The following NECAB1 variants were observed in gnomAD, a reference collection of about 807,000 sequenced individuals.
NECAB1 encodes N-terminal EF-hand calcium-binding protein 1.
NECAB1 carries 29 observed loss-of-function variants against 57.5 expected under a neutral mutation model. That is an observed-to-expected ratio of 0.50 (90% CI 0.38 to 0.69). The LOEUF (loss-of-function observed/expected upper bound fraction) is 0.69, where lower values mean the gene tolerates loss of function less well. Ranked by LOEUF, NECAB1 falls within the 30% of genes least tolerant of loss-of-function variation. NECAB1 has a pLI of 0.00. For synonymous variants in NECAB1, 142 were observed against 147.7 expected (o/e 0.96, Z 0.28); for missense variants, 372 against 413.8 (o/e 0.90, Z 0.88).
intron 2 of NECAB1, among the ~76,000 whole-genome samples, chr8:90,823,677 T>A (rs1220133586): frequency 2.6e-5 from 4 of 151,832 alleles, no homozygotes; most frequent in African/African-American, 9.7e-5. Context: ...TTCCACTTTG[T>A]TCAGTATAGA....
chr8:90,877,443 C>T (rs1808748425), intron 4 of NECAB1, among the ~76,000 whole-genome samples: 1 of 152,246 alleles, frequency 6.6e-6, no homozygotes, highest in Non-Finnish European at 1.5e-5. Flanking sequence ...TCCTAGGGAA[C>T]CTCGCCCTCA....
intron 2 of NECAB1, among the ~76,000 whole-genome samples, chr8:90,819,020 A>G (rs1260907077): frequency 2.0e-5 from 3 of 152,002 alleles, no homozygotes; most frequent in Non-Finnish European, 4.4e-5. Flanking sequence ...GGGAGGAGAA[A>G]TACCGACATT....
chr8:90,882,632 C>A (rs1350061434), intron 5 of NECAB1, among the ~76,000 whole-genome samples: 1 of 152,040 alleles, frequency 6.6e-6, no homozygotes, highest in Non-Finnish European at 1.5e-5. Flanking sequence ...GAAAGGTCTT[C>A]TCTGACCACT....
intron 3 of NECAB1, among the ~76,000 whole-genome samples, chr8:90,866,909 C>T (rs1808526965): frequency 1.3e-5 from 2 of 152,156 alleles, no homozygotes; most frequent in South Asian, 4.1e-4. Context: ...TGGGTATATA[C>T]CGAAAGGATT....
At chr8:90,923,403 C>T (rs548488142) in intron 6 of NECAB1, among the ~76,000 whole-genome samples, 2 of 152,258 alleles carry the variant, frequency 1.3e-5, no homozygotes, top group South Asian at 2.1e-4. Flanking sequence ...CCAGTTGGGG[C>T]GTGCTTCTTT....
chr8:90,855,198 A>G (rs1459618885), intron 3 of NECAB1, among the ~76,000 whole-genome samples: 1 of 152,164 alleles, frequency 6.6e-6, no homozygotes, highest in Non-Finnish European at 1.5e-5. Flanking sequence ...GCCTGCTCAA[A>G]AGTCTTCCTG....
rs142553682 is a variant in NECAB1, at chr8:90,841,339, G to A, written c.233+16514G>A. On this transcript the variant is annotated intron_variant, in intron 3 of 12. Coordinates refer to ENST00000417640, the MANE Select transcript of NECAB1 (RefSeq NM_022351.5). ...TAGTGCATAGAAGTGACCTATCTTG[G>A]GCAGAGAGCCCTTCAAGATTAATAT... is the stretch of plus-strand genomic sequence containing the variant. Among the ~76,000 whole-genome samples the A allele has an allele frequency of 1.4e-3, 207 of 152,036 alleles. 3 individuals are homozygous for A. Among genetic ancestry groups the A allele is most frequent in the African/African-American group, 4.2e-3 (175 of 41,494 alleles).
intron 10 of NECAB1, among the ~76,000 whole-genome samples, chr8:90,949,418 C>T (rs568838813): frequency 3.6e-4 from 55 of 152,234 alleles, no homozygotes; most frequent in African/African-American, 1.3e-3. Flanking sequence ...CCAATCCTAA[C>T]AGCTACATTT....
At chr8:90,891,327 T>G (rs1231132641) in intron 5 of NECAB1, among the ~76,000 whole-genome samples, 1 of 152,188 alleles carries the variant, frequency 6.6e-6, no homozygotes, top group African/African-American at 2.4e-5. Context: ...TCATATCTAC[T>G]TATTTGTTTC....
Position 90,956,340 on chromosome 8 carries a change from A to G in NECAB1, c.*828A>G, listed in dbSNP as rs1442485406. 1 of 152,074 alleles carries G rather than the reference A, an allele frequency of 6.6e-6. No individual in the cohort carries two copies. Among genetic ancestry groups the G allele is most frequent in the East Asian group, 1.9e-4 (1 of 5,202 alleles). 9.4% of individuals were successfully genotyped at this position (152,074 alleles called of 1,614,324 possible). A position where few individuals can be genotyped will look rare whatever the true frequency, so the allele number is the denominator to read the frequency against. On this transcript the variant is annotated 3_prime_UTR_variant, in exon 13 of 13. Coordinates refer to ENST00000417640, the MANE Select transcript of NECAB1 (RefSeq NM_022351.5). The stretch of plus-strand genomic sequence containing the variant: ...AAAAATACATATTTGCATGTAAACA[A>G]TGATTTCAAAATACTTGAAAAATAA...
At chr8:90,901,340 T>C (rs2740802) in intron 5 of NECAB1, among the ~76,000 whole-genome samples, 81,904 of 152,028 alleles carry the variant, frequency 0.54, 26,049 homozygotes, top group African/African-American at 0.87. Flanking sequence ...GTTTTCAGCT[T>C]TGAAAAGCTT....
intron 3 of NECAB1, among the ~76,000 whole-genome samples, chr8:90,864,363 G>C (rs1563509983): frequency 1.4e-5 from 2 of 140,432 alleles, no homozygotes; most frequent in African/African-American, 2.6e-5. Flanking sequence ...GGGAGGGAGT[G>C]GGGGGAAGGA....
chr8:90,824,363 G>A (rs1415632588), intron 2 of NECAB1, among the ~76,000 whole-genome samples: 1 of 151,756 alleles, frequency 6.6e-6, no homozygotes, highest in Non-Finnish European at 1.5e-5. Flanking sequence ...TACCATGAAG[G>A]TAAAACATCT....
chr8:90,835,100 A>G (rs776169748), intron 3 of NECAB1, among the ~76,000 whole-genome samples: 3 of 151,838 alleles, frequency 2.0e-5, no homozygotes, highest in East Asian at 1.9e-4. Context: ...TATTATTTAC[A>G]ATTTTATATT....
Position 90,949,810 on chromosome 8 carries a change from T to G in NECAB1, c.864T>G (p.Ile288Met). ...TGCCTTTTATTTTCCATTTCAGTAT[T>G]TCTATACAGAAGCTTTCAAATGAAT... is the stretch of plus-strand genomic sequence containing the variant. ...SASSQSGCLR[I>M]SIQKLSNESR... The change falls in exon 11 of 13, where the codon ATT (isoleucine) becomes ATG (methionine). Residue 288 changes from isoleucine to methionine, a missense_variant. By Grantham distance (10) the Ile-to-Met change is conservative. Transcript: ENST00000417640. 6.3e-7 allele frequency: 1 copy of G among 1,592,896 alleles called. No homozygotes were observed.
At position 90,850,129 on chromosome 8, in the gene NECAB1, CAG is replaced by C. The variant is rs746052777; in HGVS notation, c.234-21989_234-21988del. Reference sequence around the variant, plus strand: ...ACTTCTTCCAGTTGTCAGCAAGGAACAGAGAGAGAGATAAAAGTAGAGATGTG... The same window carrying C: ...ACTTCTTCCAGTTGTCAGCAAGGAACAGAGAGAGATAAAAGTAGAGATGTG... On this transcript the variant is annotated intron_variant, in intron 3 of 12. Transcript: ENST00000417640. Among the ~76,000 whole-genome samples, 213 of 152,034 alleles carry C rather than the reference CAG, an allele frequency of 1.4e-3. 2 individuals are homozygous for C. The highest frequency in any genetic ancestry group is 2.4e-3 in the Non-Finnish European group (166 of 67,994).
At chr8:90,862,166 G>A (rs899843983) in intron 3 of NECAB1, among the ~76,000 whole-genome samples, 4 of 152,176 alleles carry the variant, frequency 2.6e-5, no homozygotes, top group Admixed American at 6.6e-5. Flanking sequence ...ACAGATGTCT[G>A]AGATATGTTT....
At chr8:90,888,367 A>G (rs1397426020) in intron 5 of NECAB1, among the ~76,000 whole-genome samples, 2 of 152,236 alleles carry the variant, frequency 1.3e-5, no homozygotes, top group Non-Finnish European at 2.9e-5. Context: ...TGAACTTTGA[A>G]ATTCTAAAAG....
chr8:90,869,764 C>T (rs1360624980), intron 3 of NECAB1, among the ~76,000 whole-genome samples: 2 of 152,094 alleles, frequency 1.3e-5, no homozygotes, highest in African/African-American at 4.8e-5. Context: ...TCAGATGAGA[C>T]TTTGGACTTG....
Sources: gnomAD v4.1 joint callset for allele counts (sites outside exome capture counted in the v4.1 genomes callset) on GRCh38, gnomAD v4.1.1 for gene constraint, MANE v1.5 for transcripts, NCBI Gene and HGNC (gene_info 2026-07-23, HGNC 2026-07-21) for gene names.